TMEM230: variants seen among roughly 807,000 people sequenced by gnomAD.
TMEM230 encodes UPF0414 transmembrane protein C20orf30.
TMEM230 carries 10 observed loss-of-function variants against 15.8 expected under a neutral mutation model. The observed-to-expected ratio is 0.63, with a 90% CI of 0.39 to 1.07. TMEM230 has a LOEUF of 1.07. Among genes scored for constraint, TMEM230 ranks in the 50% least tolerant of loss-of-function variants. The pLI is 0.01. For missense variants in TMEM230, 165 were observed against 193.3 expected (o/e 0.85, Z 0.87); for synonymous variants, 67 against 76.9 (o/e 0.87, Z 0.68).
chr20:5,096,950 T>C (rs948850792), downstream of TMEM230, among the ~76,000 whole-genome samples: 14 of 152,252 alleles, frequency 9.2e-5, no homozygotes, highest in African/African-American at 3.4e-4. Flanking sequence ...GGTGGAAACT[T>C]TAGTGAACTG....
At chr20:5,106,915 C>T (rs188037902) in intron 3 of TMEM230, among the ~76,000 whole-genome samples, 13 of 152,178 alleles carry the variant, frequency 8.5e-5, no homozygotes, top group East Asian at 3.9e-4. Context: ...CTATGTTGCC[C>T]AGGGTGGTCT....
chr20:5,109,414 G>A lies in TMEM230; in HGVS notation c.206C>T (p.Thr69Ile), dbSNP rs2090224244. ...ACTGGGGATTCCAGTAGCCAGGTTG[G>A]TACGGGACGGCATCATAACACGCTG... The change falls in exon 3 of 5, where the codon ACC (threonine) becomes ATC (isoleucine). Residue 69 changes from threonine to isoleucine, a missense_variant. By Grantham distance (89) the Thr-to-Ile change is moderately conservative. Coordinates refer to ENST00000342308, the MANE Select transcript of TMEM230 (RefSeq NM_001009923.2). 6.2e-7 allele frequency: 1 copy of A among 1,613,666 alleles called. No individual in the cohort carries two copies. The highest frequency in any genetic ancestry group is 1.3e-5 in the African/African-American group (1 of 74,878).
At chr20:5,082,237 T>C (rs556835817) in intron 3 of TMEM230, among the ~76,000 whole-genome samples, 1 of 44,022 alleles carries the variant, frequency 2.3e-5, no homozygotes, top group Admixed American at 3.2e-4. Flanking sequence ...TCTCTCTTTC[T>C]CTCTCTCTCT....
chr20:5,112,595 G>T, intron 1 of TMEM230: 1 of 868,870 alleles, frequency 1.2e-6, no homozygotes, highest in Non-Finnish European at 1.5e-6. Context: ...CAAAGTATCA[G>T]TCTTCGTTGC....
intron 1 of TMEM230, among the ~76,000 whole-genome samples, chr20:5,112,210 A>G (rs1207947090): frequency 6.6e-6 from 1 of 152,220 alleles, no homozygotes; most frequent in Non-Finnish European, 1.5e-5. Flanking sequence ...GGTGCTAAAT[A>G]TTAATATCCG....
At chr20:5,078,836 C>A (rs544975304) in intron 3 of TMEM230, among the ~76,000 whole-genome samples, 22 of 152,316 alleles carry the variant, frequency 1.4e-4, no homozygotes, top group African/African-American at 5.3e-4. Context: ...GTTGCCCAGG[C>A]TGGACTGCAG....
At chr20:5,109,544 C>T in intron 2 of TMEM230, 99 bp from the exon 2 acceptor site, 1 of 926,704 alleles carries the variant, frequency 1.1e-6, no homozygotes, top group South Asian at 1.5e-5. Context: ...CACTGGAGTT[C>T]TGGGCTGCCA....
chr20:5,094,133 AT>A (rs996868459), intron 3 of TMEM230, among the ~76,000 whole-genome samples: 9 of 150,742 alleles, frequency 6.0e-5, no homozygotes, highest in African/African-American at 2.2e-4. Context: ...TAATTTTTGT[AT>A]TTTTAGTTGA....
chr20:5,109,340 C>T lies in TMEM230; in HGVS notation c.280G>A (p.Asp94Asn). ...TTCTCTTCTGCATTTACCTGAAGGT[C>T]AATGTAGCCATCGTCTGTGCTGGAG... Residue 94 changes from aspartate (D) to asparagine (N), a missense_variant, in exon 3 of 5, where the codon GAC (aspartate) becomes AAC (asparagine). Coordinates refer to ENST00000342308, the MANE Select transcript of TMEM230 (RefSeq NM_001009923.2). 6.2e-7 allele frequency: 1 copy of T among 1,610,484 alleles called. No individual in the cohort carries two copies. Among genetic ancestry groups the T allele is most frequent in the Non-Finnish European group, 8.5e-7 (1 of 1,178,058 alleles).
downstream of TMEM230, among the ~76,000 whole-genome samples, chr20:5,065,911 C>T (rs1024138566): frequency 4.6e-5 from 7 of 152,260 alleles, no homozygotes; most frequent in South Asian, 2.1e-4. Flanking sequence ...TGGAGACCCC[C>T]GTCCCTGGAA....
At chr20:5,093,811 T>C (rs2089583913) in intron 3 of TMEM230, among the ~76,000 whole-genome samples, 1 of 152,222 alleles carries the variant, frequency 6.6e-6, no homozygotes, top group Admixed American at 6.5e-5. Flanking sequence ...GTGCTGGGAT[T>C]ACAGGCATGT....
intron 2 of TMEM230, among the ~76,000 whole-genome samples, chr20:5,109,768 T>A (rs1476532034): frequency 6.6e-6 from 1 of 152,146 alleles, no homozygotes; most frequent in Middle Eastern, 3.2e-3. Flanking sequence ...TTCCCTGACT[T>A]TTAATTTTTC....
In TMEM230 at chr20:5,106,329, T is replaced by A; in HGVS notation, c.289-19A>T. The A allele has an allele frequency of 6.3e-7, 1 of 1,582,162 alleles. No individual in the cohort carries two copies. The highest frequency in any genetic ancestry group is 8.6e-7 in the Non-Finnish European group (1 of 1,168,834). On this transcript the variant is annotated intron_variant, in intron 3 of 4. Coordinates refer to ENST00000342308, the MANE Select transcript of TMEM230 (RefSeq NM_001009923.2). Reference sequence around the variant, plus strand: ...TCTTAAACTGGAAGAGAAATAGAGATGAAAAAGACAACGAAGAACATTAAT... The same window carrying A: ...TCTTAAACTGGAAGAGAAATAGAGAAGAAAAAGACAACGAAGAACATTAAT...
intron 3 of TMEM230, among the ~76,000 whole-genome samples, chr20:5,071,877 T>A (rs955640097): frequency 2.0e-5 from 3 of 151,704 alleles, no homozygotes; most frequent in African/African-American, 7.3e-5. Context: ...GTAGCTGCGA[T>A]TACAGGTGTG....
intron 1 of TMEM230, among the ~76,000 whole-genome samples, chr20:5,112,003 C>T (rs1409401351): frequency 1.3e-5 from 2 of 152,136 alleles, no homozygotes; most frequent in South Asian, 4.1e-4. Flanking sequence ...CCTGCTACCA[C>T]GCCCGGCTAA....
At chr20:5,111,249 T>G (rs150791524) in intron 2 of TMEM230, 1 of 151,316 alleles carries the variant, frequency 6.6e-6, no homozygotes, top group Admixed American at 6.6e-5. Context: ...CAAAGCTATA[T>G]GATCAAAATG....
downstream of TMEM230, among the ~76,000 whole-genome samples, chr20:5,097,295 A>T (rs1482927374): frequency 6.6e-6 from 1 of 152,242 alleles, no homozygotes; most frequent in East Asian, 1.9e-4. Context: ...CTCAACCAAG[A>T]GACCCACCAG....
chr20:5,097,515 G>A (rs958470511), downstream of TMEM230, among the ~76,000 whole-genome samples: 7 of 152,130 alleles, frequency 4.6e-5, no homozygotes, highest in African/African-American at 7.2e-5. Context: ...AACTGACCAC[G>A]GTTCCCCAAC....
At chr20:5,070,690 G>C (rs1042479641) in intron 3 of TMEM230, among the ~76,000 whole-genome samples, 3 of 152,210 alleles carry the variant, frequency 2.0e-5, no homozygotes, top group African/African-American at 7.2e-5. Flanking sequence ...TTGAGAGGGT[G>C]AAGACCTAAC....
Sources: allele counts gnomAD v4.1 joint callset (sites outside exome capture counted in the v4.1 genomes callset), GRCh38; gene constraint gnomAD v4.1.1; transcripts MANE v1.5; gene names NCBI Gene and HGNC (gene_info 2026-07-23, HGNC 2026-07-21).